The following ADH1C variants were observed in gnomAD, a reference collection of about 807,000 sequenced individuals.
The protein encoded by ADH1C is alcohol dehydrogenase 1C (class I), gamma polypeptide.
A neutral mutation model predicts 35.0 loss-of-function variants in ADH1C; 26 were observed. That is an observed-to-expected ratio of 0.74 (90% confidence interval 0.54 to 1.03). The LOEUF is 1.03. Ranked by LOEUF, ADH1C falls within the 50% of genes least tolerant of loss-of-function variation. The pLI is 0.00. For missense variants in ADH1C, 413 were observed against 465.4 expected (o/e 0.89, Z 1.04); for synonymous variants, 170 against 169.3 (o/e 1.00, Z -0.03).
At position 99,342,805 on chromosome 4, in the gene ADH1C, A is replaced by G; in HGVS notation, c.818T>C (p.Leu273Pro). 6.2e-7 allele frequency: 1 copy of G among 1,614,014 alleles called. No individual in the cohort carries two copies. Among genetic ancestry groups the G allele is most frequent in the East Asian group, 2.2e-5 (1 of 44,886 alleles). ...TGTCACGGATCATACCATGGTGTCA[A>G]GCCGACCGATGACTTCAAACGAAAA... The part of the protein sequence containing the change: ...VDFSFEVIGR[L>P]DTMMASLLCC... Residue 273 changes from leucine to proline, a missense_variant, in exon 6 of 9, where the codon CTT becomes CCT. Transcript: ENST00000515683.
intron 3 of ADH1C, among the ~76,000 whole-genome samples, chr4:99,346,288 T>C (rs1734528080): frequency 6.6e-6 from 1 of 152,090 alleles, no homozygotes; most frequent in Admixed American, 6.5e-5. Flanking sequence ...CCTTAATTAA[T>C]ATAGTAATAT....
chr4:99,342,785 C>G lies in ADH1C; in HGVS notation c.828+10G>C. ...GAGGCAGAAATTTCAGGGCATGTCA[C>G]GGATCATACCATGGTGTCAAGCCGA... On this transcript the variant is annotated intron_variant, in intron 6 of 8. Coordinates refer to ENST00000515683, the MANE Select transcript of ADH1C (RefSeq NM_000669.5). 2 of 1,613,674 alleles carry G rather than the reference C, an allele frequency of 1.2e-6. No homozygotes were observed. The highest frequency in any genetic ancestry group is 1.7e-6 in the Non-Finnish European group (2 of 1,179,690).
intron 1 of ADH1C, among the ~76,000 whole-genome samples, chr4:99,350,645 T>C (rs1454535671): frequency 1.3e-5 from 2 of 152,252 alleles, no homozygotes; most frequent in East Asian, 1.9e-4. Context: ...CGTTGGTTGA[T>C]GGGCATTTAG....
intron 1 of ADH1C, among the ~76,000 whole-genome samples, chr4:99,348,760 C>T (rs1303120196): frequency 6.6e-6 from 1 of 151,962 alleles, no homozygotes; most frequent in Non-Finnish European, 1.5e-5. Context: ...AAAAGCGTTC[C>T]TATTTCTCCA....
At position 99,352,652 on chromosome 4, in the gene ADH1C, G is replaced by C; in HGVS notation, c.18+6C>G. On this transcript the variant is annotated splice_donor_region_variant and intron_variant, in intron 1 of 8. Coordinates refer to ENST00000515683, the MANE Select transcript of ADH1C (RefSeq NM_000669.5). ...TATTATCAACAGTAATATATTTTTT[G>C]CTTACTTTTCCTGCTGTGCTCATAT... The C allele has an allele frequency of 6.2e-7, 1 of 1,608,010 alleles. No homozygotes were observed. Among genetic ancestry groups the C allele is most frequent in the Non-Finnish European group, 8.5e-7 (1 of 1,175,350 alleles).
intron 1 of ADH1C, among the ~76,000 whole-genome samples, chr4:99,351,332 C>T (rs1191117328): frequency 6.6e-6 from 1 of 152,104 alleles, no homozygotes; most frequent in Non-Finnish European, 1.5e-5. Context: ...ATGAAATAGA[C>T]ATTAGTATTG....
At position 99,343,045 on chromosome 4, in the gene ADH1C, C is replaced by G; in HGVS notation, c.578G>C (p.Gly193Ala). Residue 193 changes from glycine (G) to alanine (A), a missense_variant, in exon 6 of 9, where the codon GGG becomes GCG. Physicochemically the swap from Gly to Ala is moderately conservative, Grantham distance 60 (BLOSUM62 0). Transcript: ENST00000515683. ...SAVKVAKVTPGSTCAVFGLGG... is the reference protein window; with the variant it reads ...SAVKVAKVTPASTCAVFGLGG... ...CAGGCCAAACACAGCACAGGTAGAC[C>G]CTGGGGTGACCTATGTTTTCAGAAA... The G allele has an allele frequency of 6.2e-7, 1 of 1,609,370 alleles. No individual in the cohort carries two copies. Among genetic ancestry groups the G allele is most frequent in the East Asian group, 2.2e-5 (1 of 44,858 alleles).
chr4:99,343,655 C>A (rs992145029), intron 5 of ADH1C, among the ~76,000 whole-genome samples: 1 of 152,164 alleles, frequency 6.6e-6, no homozygotes, highest in African/African-American at 2.4e-5. Context: ...AACAACACAG[C>A]AATGAAACAT....
chr4:99,348,656 T>C (rs1170864659), intron 1 of ADH1C, among the ~76,000 whole-genome samples: 1 of 150,890 alleles, frequency 6.6e-6, no homozygotes, highest in Non-Finnish European at 1.5e-5. Context: ...ATGGGATGGC[T>C]GGGTCAAATG....
chr4:99,347,679 T>G, intron 2 of ADH1C, 66 bp downstream of exon 2: 1 of 1,445,246 alleles, frequency 6.9e-7, no homozygotes, highest in Admixed American at 2.2e-5. Flanking sequence ...TTTGGATGTT[T>G]CTATTTTTAA....
chr4:99,341,267 C>T (rs1292800169), intron 6 of ADH1C, among the ~76,000 whole-genome samples: 2 of 152,136 alleles, frequency 1.3e-5, no homozygotes, highest in African/African-American at 4.8e-5. Flanking sequence ...CATTAAATTA[C>T]ACTGATTATT....
chr4:99,341,603 G>A (rs541281466), intron 6 of ADH1C, among the ~76,000 whole-genome samples: 3 of 152,130 alleles, frequency 2.0e-5, no homozygotes, highest in Admixed American at 6.6e-5. Flanking sequence ...CAAGGCTGCT[G>A]GGAACTTTGA....
chr4:99,341,307 CTT>C (rs774202639), intron 6 of ADH1C, among the ~76,000 whole-genome samples: 2 of 152,148 alleles, frequency 1.3e-5, no homozygotes, highest in African/African-American at 4.8e-5. Context: ...TTCAGAAAAT[CTT>C]TTCCAGTCAG....
At chr4:99,345,555 T>C (rs1560538262) in intron 3 of ADH1C, among the ~76,000 whole-genome samples, 1 of 152,250 alleles carries the variant, frequency 6.6e-6, no homozygotes, top group Non-Finnish European at 1.5e-5. Flanking sequence ...CACTAATTTA[T>C]CCTGGAGGCT....
chr4:99,337,224 T>G (rs1662033), intron 8 of ADH1C, among the ~76,000 whole-genome samples: 35,369 of 151,984 alleles, frequency 0.23, 4,897 homozygotes, highest in Non-Finnish European at 0.31. Context: ...ATTTAGAGAT[T>G]ATAAAAACTG....
At chr4:99,343,395 G>T (rs1426145563) in intron 5 of ADH1C, among the ~76,000 whole-genome samples, 2 of 152,202 alleles carry the variant, frequency 1.3e-5, no homozygotes, top group Non-Finnish European at 2.9e-5. Context: ...CAGGGGACTG[G>T]ATGATCTTTG....
At chr4:99,340,192 G>A (rs1734379151) in intron 7 of ADH1C, among the ~76,000 whole-genome samples, 1 of 152,124 alleles carries the variant, frequency 6.6e-6, no homozygotes, top group African/African-American at 2.4e-5. Flanking sequence ...GCCGAGGCAG[G>A]CAGATCATTT....
intron 5 of ADH1C, among the ~76,000 whole-genome samples, chr4:99,343,814 T>A (rs1734467821): frequency 6.6e-6 from 1 of 152,200 alleles, no homozygotes; most frequent in Admixed American, 6.5e-5. Flanking sequence ...TTGGAAAAGA[T>A]GTCCTCTAAA....
Position 99,345,096 on chromosome 4 carries a change from A to G in ADH1C, c.348-15T>C, listed in dbSNP as rs1389240124. The G allele has an allele frequency of 1.2e-6, 2 of 1,614,080 alleles. No individual in the cohort carries two copies. Among genetic ancestry groups the G allele is most frequent in the Admixed American group, 3.3e-5 (2 of 60,008 alleles). On this transcript the variant is annotated splice_polypyrimidine_tract_variant and intron_variant, in intron 4 of 8. Coordinates refer to ENST00000515683, the MANE Select transcript of ADH1C (RefSeq NM_000669.5). ...GATTGCCTAGACTGGGCAGTGCAAT[A>G]CAAAGACACACAAAGGCATGAGACA...
Sources: gnomAD v4.1 joint callset for allele counts (sites outside exome capture counted in the v4.1 genomes callset) on GRCh38, gnomAD v4.1.1 for gene constraint, MANE v1.5 for transcripts, NCBI Gene and HGNC (gene_info 2026-07-23, HGNC 2026-07-21) for gene names.